QTMAN: variants seen among roughly 807,000 people sequenced by gnomAD.
QTMAN encodes queuosine-tRNA mannosyltransferase, also known as tRNA-queuosine alpha-mannosyltransferase.
the QTMAN span, among the ~76,000 whole-genome samples, chr2:144,247,020 TA>T: frequency 6.6e-6 from 1 of 152,218 alleles, no homozygotes; most frequent in South Asian, 2.1e-4. Flanking sequence ...TGAATAAAGA[TA>T]TTTTTTCTGT....
chr2:144,298,425 C>T, the QTMAN span, among the ~76,000 whole-genome samples: 8 of 152,134 alleles, frequency 5.3e-5, no homozygotes, highest in East Asian at 1.9e-4. Flanking sequence ...CAATATATAC[C>T]GTGGCTAAAT....
chr2:144,093,151 A>C, the QTMAN span, among the ~76,000 whole-genome samples: 1 of 152,304 alleles, frequency 6.6e-6, no homozygotes, highest in South Asian at 2.1e-4. Context: ...CAGGACTCTG[A>C]AATCTCGTGT....
chr2:144,278,773 A>T, the QTMAN span, among the ~76,000 whole-genome samples: 1 of 152,120 alleles, frequency 6.6e-6, no homozygotes, highest in Admixed American at 6.5e-5. Context: ...GCAATTCCTG[A>T]AAAGTGTCAC....
At chr2:144,305,043 T>C in the QTMAN span, among the ~76,000 whole-genome samples, 2 of 152,220 alleles carry the variant, frequency 1.3e-5, no homozygotes, top group Non-Finnish European at 2.9e-5. Context: ...TTGCATGTTG[T>C]GTGTTGGTTT....
At chr2:144,140,736 T>C in the QTMAN span, among the ~76,000 whole-genome samples, 1 of 151,954 alleles carries the variant, frequency 6.6e-6, no homozygotes, top group Non-Finnish European at 1.5e-5. Context: ...AAATCAGAAG[T>C]CATAAGGCCT....
At chr2:144,184,216 G>T in the QTMAN span, among the ~76,000 whole-genome samples, 3 of 152,084 alleles carry the variant, frequency 2.0e-5, no homozygotes, top group African/African-American at 7.2e-5. Flanking sequence ...AGTCAAACAT[G>T]CACTATACTG....
At chr2:144,145,595 A>G in the QTMAN span, 1 of 1,610,078 alleles carries the variant, frequency 6.2e-7, no homozygotes, top group Non-Finnish European at 8.5e-7. Context: ...GGTTGTATCC[A>G]TATTGGAAAT....
the QTMAN span, among the ~76,000 whole-genome samples, chr2:143,980,772 G>A: frequency 2.0e-5 from 3 of 152,094 alleles, no homozygotes; most frequent in Non-Finnish European, 4.4e-5. Context: ...CTGAGCTTAC[G>A]ACTCCCTCTG....
the QTMAN span, among the ~76,000 whole-genome samples, chr2:143,959,328 GA>G: frequency 8.3e-5 from 12 of 145,394 alleles, no homozygotes; most frequent in East Asian, 2.2e-3. Context: ...ATGTACTGTG[GA>G]AAAAAAAAAC....
At chr2:144,318,800 C>T in the QTMAN span, among the ~76,000 whole-genome samples, 8 of 152,100 alleles carry the variant, frequency 5.3e-5, no homozygotes, top group Non-Finnish European at 1.2e-4. Context: ...TATATCTAGG[C>T]TGTAGAGTTT....
the QTMAN span, among the ~76,000 whole-genome samples, chr2:144,122,602 A>G: frequency 6.6e-6 from 1 of 152,096 alleles, no homozygotes; most frequent in Non-Finnish European, 1.5e-5. Flanking sequence ...TGGTCATCCT[A>G]TTTCAATAAG....
At chr2:144,010,062 C>CAAAAAAAAAAAAAAAA in the QTMAN span, among the ~76,000 whole-genome samples, 5 of 74,856 alleles carry the variant, frequency 6.7e-5, no homozygotes, top group Non-Finnish European at 1.2e-4. Context: ...AAGGATTCAC[C>CAAAAAAAAAAAAAAAA]AAAAAAAAAA....
chr2:144,140,849 G>T, the QTMAN span, among the ~76,000 whole-genome samples: 11 of 152,046 alleles, frequency 7.2e-5, no homozygotes, highest in African/African-American at 2.4e-4. Context: ...GGGCAAGATG[G>T]TCTAACTTAA....
the QTMAN span, among the ~76,000 whole-genome samples, chr2:144,292,445 G>A: frequency 6.6e-6 from 1 of 151,662 alleles, no homozygotes; most frequent in African/African-American, 2.4e-5. Flanking sequence ...TTTTTTTCCA[G>A]CTGAGTTTTA....
the QTMAN span, among the ~76,000 whole-genome samples, chr2:144,134,996 ATT>A: frequency 2.0e-5 from 3 of 152,164 alleles, no homozygotes; most frequent in Admixed American, 6.6e-5. Flanking sequence ...CAACCTGAGC[ATT>A]TGTCTCGCTT....
chr2:143,988,887 TG>T, the QTMAN span, among the ~76,000 whole-genome samples: 1 of 152,252 alleles, frequency 6.6e-6, no homozygotes, highest in African/African-American at 2.4e-5. Flanking sequence ...TCATTTACCA[TG>T]GTTCTTATGC....
the QTMAN span, among the ~76,000 whole-genome samples, chr2:144,152,916 T>C: frequency 6.6e-6 from 1 of 152,160 alleles, no homozygotes; most frequent in South Asian, 2.1e-4. Context: ...GTGAGATTGA[T>C]TACGAATGAA....
At chr2:144,115,622 T>C in the QTMAN span, among the ~76,000 whole-genome samples, 1 of 152,224 alleles carries the variant, frequency 6.6e-6, no homozygotes, top group Non-Finnish European at 1.5e-5. Flanking sequence ...CACTTTTTTG[T>C]TCATTCAAAG....
At chr2:144,204,795 A>G in the QTMAN span, among the ~76,000 whole-genome samples, 1 of 152,156 alleles carries the variant, frequency 6.6e-6, no homozygotes, top group Admixed American at 6.5e-5. Flanking sequence ...CACATACACC[A>G]TGGAATACTA....
Sources: gnomAD v4.1 joint callset for allele counts (sites outside exome capture counted in the v4.1 genomes callset) on GRCh38, gnomAD v4.1.1 for gene constraint, MANE v1.5 for transcripts, NCBI Gene and HGNC (gene_info 2026-07-23, HGNC 2026-07-21) for gene names.